TMC1: variants seen among roughly 807,000 people sequenced by gnomAD.
TMC1 encodes the protein transmembrane channel-like protein 1.
A neutral mutation model predicts 105.8 loss-of-function variants in TMC1; 84 were observed. The ratio of observed to expected loss-of-function variants is 0.79; its 90% CI spans 0.67 to 0.95. The LOEUF (loss-of-function observed/expected upper bound fraction) is 0.95. Ranked by LOEUF, TMC1 falls within the 40% of genes least tolerant of loss-of-function variation. The probability of loss-of-function intolerance (pLI) is 0.00; values close to 1 mark genes in which losing one functional copy is unlikely to be tolerated. For missense variants in TMC1, 817 were observed against 914.1 expected (o/e 0.89, Z 1.37); for synonymous variants, 315 against 311.5 (o/e 1.01, Z -0.12).
At chr9:72,765,635 A>G (rs1475064852) in intron 12 of TMC1, among the ~76,000 whole-genome samples, 2 of 145,378 alleles carry the variant, frequency 1.4e-5, no homozygotes, top group Non-Finnish European at 3.0e-5. Flanking sequence ...TGAGCCTGTC[A>G]TACTAAAAAA....
intron 23 of TMC1, among the ~76,000 whole-genome samples, chr9:72,834,697 A>C (rs1829094394): frequency 6.6e-6 from 1 of 152,184 alleles, no homozygotes; most frequent in Non-Finnish European, 1.5e-5. Flanking sequence ...CTTCTAACCC[A>C]GAAGCATCTC....
intron 2 of TMC1, among the ~76,000 whole-genome samples, chr9:72,596,539 TAA>T (rs35140344): frequency 0.061 from 6,198 of 102,142 alleles, 187 homozygotes; most frequent in Middle Eastern, 0.14. Context: ...GTTTCAATTG[TAA>T]AAAAAAAAAA....
At chr9:72,759,211 G>A (rs1431270255) in intron 12 of TMC1, among the ~76,000 whole-genome samples, 1 of 152,112 alleles carries the variant, frequency 6.6e-6, no homozygotes, top group African/African-American at 2.4e-5. Flanking sequence ...CGAACAGACT[G>A]GAAATGGAAC....
Position 72,836,399 on chromosome 9 carries a change from A to G in TMC1, c.*426A>G, listed in dbSNP as rs1335985312. On this transcript the variant is annotated 3_prime_UTR_variant, in exon 24 of 24. Transcript: ENST00000297784. The stretch of plus-strand genomic sequence containing the variant: ...AGAAATATTTCACCCTTTTTCCTCT[A>G]AGTTCAGAAATATTTGCAAAAAGTA... 5.6e-6 allele frequency: 1 copy of G among 178,660 alleles called. No homozygotes were observed. The highest frequency in any genetic ancestry group is 1.5e-4 in the East Asian group (1 of 6,768). 11.1% of individuals were successfully genotyped at this position (178,660 alleles called of 1,614,324 possible).
At chr9:72,757,678 T>C (rs569565420) in intron 12 of TMC1, among the ~76,000 whole-genome samples, 1 of 152,360 alleles carries the variant, frequency 6.6e-6, no homozygotes, top group East Asian at 1.9e-4. Context: ...TGATGGTGTT[T>C]TGACTGTGAC....
intron 2 of TMC1, among the ~76,000 whole-genome samples, chr9:72,597,776 C>A (rs1317428990): frequency 2.6e-5 from 4 of 152,160 alleles, no homozygotes; most frequent in Non-Finnish European, 5.9e-5. Flanking sequence ...AGCACAGACC[C>A]TCTGTTCTCT....
At chr9:72,680,799 G>T (rs752226343) in intron 5 of TMC1, among the ~76,000 whole-genome samples, 29 of 152,118 alleles carry the variant, frequency 1.9e-4, no homozygotes, top group Non-Finnish European at 4.1e-4. Flanking sequence ...TCTCTAATGT[G>T]AACAAAAGCA....
chr9:72,781,634 C>T (rs1047673105), intron 13 of TMC1, among the ~76,000 whole-genome samples: 2 of 151,986 alleles, frequency 1.3e-5, no homozygotes, highest in Non-Finnish European at 2.9e-5. Context: ...AGGGACATTA[C>T]CAACAACTCA....
chr9:72,561,314 T>A lies in TMC1; in HGVS notation c.-427-16588T>A, dbSNP rs527683568. On this transcript the variant is annotated intron_variant, in intron 1 of 23. Coordinates refer to ENST00000297784, the MANE Select transcript of TMC1 (RefSeq NM_138691.3). ...GCCTGGGCGGCAGAGCGAGACTCCG[T>A]CTCAAAAAAAAAAAAAAAAAAAAAA... Among the ~76,000 whole-genome samples the A allele has an allele frequency of 4.5e-4, 34 of 75,842 alleles. 1 individual carries two copies. Among genetic ancestry groups the A allele is most frequent in the African/African-American group, 2.2e-3 (32 of 14,336 alleles). 49.8% of individuals were successfully genotyped at this position (75,842 alleles called of 152,430 possible).
chr9:72,539,830 ATACC>A (rs1168675846), intron 1 of TMC1, among the ~76,000 whole-genome samples: 1 of 152,134 alleles, frequency 6.6e-6, no homozygotes, highest in Non-Finnish European at 1.5e-5. Context: ...CTTTAAACGA[ATACC>A]GGAGGATGGG....
At chr9:72,523,488 C>T (rs185248707) in intron 1 of TMC1, among the ~76,000 whole-genome samples, 2 of 152,124 alleles carry the variant, frequency 1.3e-5, no homozygotes, top group East Asian at 3.9e-4. Context: ...TGTATTCTTA[C>T]AATAAGGTAA....
chr9:72,820,451 C>T (rs925688050), intron 19 of TMC1, among the ~76,000 whole-genome samples: 13 of 151,976 alleles, frequency 8.6e-5, no homozygotes, highest in African/African-American at 2.9e-4. Flanking sequence ...TTATTTTTAA[C>T]AAGTTATATT....
chr9:72,586,628 G>A (rs964616076), intron 2 of TMC1, among the ~76,000 whole-genome samples: 1 of 152,178 alleles, frequency 6.6e-6, no homozygotes, highest in Non-Finnish European at 1.5e-5. Context: ...GTACCGTTGT[G>A]CAGTCTGTGC....
intron 13 of TMC1, among the ~76,000 whole-genome samples, chr9:72,786,401 G>A (rs1369530915): frequency 6.6e-6 from 1 of 152,116 alleles, no homozygotes; most frequent in Non-Finnish European, 1.5e-5. Flanking sequence ...CCGAGATCGC[G>A]CCACTGCACT....
chr9:72,591,655 T>C (rs887521325), intron 2 of TMC1, among the ~76,000 whole-genome samples: 1 of 152,122 alleles, frequency 6.6e-6, no homozygotes, highest in African/African-American at 2.4e-5. Flanking sequence ...TGATCAGCCT[T>C]CATCTCCTAG....
At chr9:72,746,867 A>G (rs887295523) in intron 10 of TMC1, among the ~76,000 whole-genome samples, 4 of 152,196 alleles carry the variant, frequency 2.6e-5, no homozygotes, top group Non-Finnish European at 5.9e-5. Context: ...GTCAGCCTTA[A>G]GGGGATCATG....
Position 72,660,695 on chromosome 9 carries a change from T to C in TMC1, c.16+12031T>C, listed in dbSNP as rs1825958183. ...ATAGACAAGGCTCTTCTTGCAAAAATATCTCCTGAACTGTGCGGGAGATGC... is the reference window on the plus strand; with the variant it reads ...ATAGACAAGGCTCTTCTTGCAAAAACATCTCCTGAACTGTGCGGGAGATGC... On this transcript the variant is annotated intron_variant, in intron 5 of 23. Coordinates refer to ENST00000297784, the MANE Select transcript of TMC1 (RefSeq NM_138691.3). Among the ~76,000 whole-genome samples the C allele has an allele frequency of 2.0e-5, 3 of 152,286 alleles. No homozygotes were observed. In the South Asian group the frequency reaches 6.2e-4, roughly 32 times the overall value.
intron 2 of TMC1, among the ~76,000 whole-genome samples, chr9:72,590,633 C>T (rs1824623516): frequency 6.6e-6 from 1 of 152,152 alleles, no homozygotes; most frequent in South Asian, 2.1e-4. Context: ...TTGGGTGCCT[C>T]CTGTGTGTCA....
rs1246970280 is a variant in TMC1, at chr9:72,789,150, CA to C, written c.1059del (p.Val354Ter). The C allele has an allele frequency of 1.2e-6, 2 of 1,612,862 alleles. No homozygotes were observed. Among genetic ancestry groups the C allele is most frequent in the East Asian group, 4.5e-5 (2 of 44,850 alleles). On this transcript the variant is annotated frameshift_variant, in exon 15 of 24. Coordinates refer to ENST00000297784, the MANE Select transcript of TMC1 (RefSeq NM_138691.3). LOFTEE classifies it high-confidence loss of function. The stretch of plus-strand genomic sequence containing the variant: ...AGCTATCACAGAAGAAAAAGCAGCC[CA>C]AGTAGAAGAAAACGTCCACTTGATC... ...KEAITEEKAA[Q>X]VEENVHLIRF...
Sources: allele counts gnomAD v4.1 joint callset (sites outside exome capture counted in the v4.1 genomes callset), GRCh38; gene constraint gnomAD v4.1.1; transcripts MANE v1.5; gene names NCBI Gene and HGNC (gene_info 2026-07-23, HGNC 2026-07-21).